The following MYO9A variants were observed in gnomAD, a reference collection of about 807,000 sequenced individuals.
MYO9A encodes unconventional myosin-IXa.
In MYO9A, 103 loss-of-function variants were observed where a neutral mutation model predicts 293.3. That is an observed-to-expected ratio of 0.35 (90% CI 0.30 to 0.41). The LOEUF is 0.41. Among genes scored for constraint, MYO9A ranks in the 10% least tolerant of loss-of-function variants. The pLI, the probability that MYO9A is intolerant of heterozygous loss-of-function variation, is 1.00. For synonymous variants in MYO9A, 1,001 were observed against 1,035.7 expected (o/e 0.97, Z 0.64); for missense variants, 2,685 against 3,033.0 (o/e 0.89, Z 2.69).
At chr15:72,083,501 T>C (rs2079616705) in intron 1 of MYO9A, among the ~76,000 whole-genome samples, 1 of 152,246 alleles carries the variant, frequency 6.6e-6, no homozygotes. Flanking sequence ...TGTCTCAATC[T>C]CCTGCCATTC....
At chr15:72,050,905 T>C (rs528020886) in intron 1 of MYO9A, among the ~76,000 whole-genome samples, 33 of 152,312 alleles carry the variant, frequency 2.2e-4, no homozygotes, top group South Asian at 6.2e-4. Context: ...CACCACACTA[T>C]GGCATGACTA....
At chr15:72,117,608 G>C (rs945843658) in intron 1 of MYO9A, 72 bp downstream of exon 1, 1 of 391,948 alleles carries the variant, frequency 2.6e-6, no homozygotes, top group African/African-American at 2.1e-5. Context: ...GGCCCGACCG[G>C]AGCCAAATAG....
intron 1 of MYO9A, among the ~76,000 whole-genome samples, chr15:72,058,580 C>G (rs1405162206): frequency 2.6e-5 from 4 of 152,112 alleles, no homozygotes; most frequent in African/African-American, 9.7e-5. Context: ...AAGAACTAAG[C>G]ACATTACTGG....
chr15:71,933,604 G>T (rs1596229059), intron 18 of MYO9A, 66 bp downstream of exon 18: 13 of 1,370,306 alleles, frequency 9.5e-6, no homozygotes, highest in South Asian at 8.5e-5. Context: ...TATGAAGATT[G>T]TATGAGTAAT....
intron 18 of MYO9A, among the ~76,000 whole-genome samples, chr15:71,929,075 A>G (rs78238492): frequency 1.1e-5 from 1 of 92,628 alleles, no homozygotes; most frequent in Non-Finnish European, 2.4e-5. Flanking sequence ...GTCTCTATTA[A>G]AAAAAAAAAA....
intron 13 of MYO9A, among the ~76,000 whole-genome samples, chr15:71,964,785 C>G (rs1229703707): frequency 6.6e-6 from 1 of 151,508 alleles, no homozygotes; most frequent in East Asian, 1.9e-4. Flanking sequence ...GACTCCATCT[C>G]AAAAAACAAA....
At chr15:71,856,745 C>CTT in intron 34 of MYO9A, among the ~76,000 whole-genome samples, 1 of 152,268 alleles carries the variant, frequency 6.6e-6, no homozygotes, top group East Asian at 1.9e-4. Context: ...ATTAAATTAT[C>CTT]TTAATATCAC....
intron 1 of MYO9A, among the ~76,000 whole-genome samples, chr15:72,077,747 A>AT (rs2079407837): frequency 2.8e-4 from 13 of 45,784 alleles, no homozygotes; most frequent in East Asian, 2.1e-3. Flanking sequence ...AAAAAAAAAA[A>AT]AAAAAATATA....
At chr15:71,870,023 T>TA (rs1439245236) in intron 32 of MYO9A, among the ~76,000 whole-genome samples, 2 of 152,174 alleles carry the variant, frequency 1.3e-5, no homozygotes, top group Admixed American at 1.3e-4. Flanking sequence ...CTCTTGCATC[T>TA]ATAAATGGCT....
chr15:72,116,994 C>G (rs1323725365), intron 1 of MYO9A: 1 of 152,192 alleles, frequency 6.6e-6, no homozygotes, highest in Non-Finnish European at 1.5e-5. Context: ...AGCAAATATT[C>G]CCTCAGGATT....
chr15:72,091,614 G>C (rs148753200), intron 1 of MYO9A, among the ~76,000 whole-genome samples: 222 of 152,058 alleles, frequency 1.5e-3, no homozygotes, highest in African/African-American at 4.7e-3. Context: ...ATTCAAAAAA[G>C]AATGGAGATA....
chr15:72,001,571 A>AC (rs967496094), intron 8 of MYO9A, among the ~76,000 whole-genome samples: 10 of 151,718 alleles, frequency 6.6e-5, no homozygotes, highest in Admixed American at 1.3e-4. Flanking sequence ...AAAAAAAAAA[A>AC]AATAGATTAT....
chr15:72,078,697 G>C (rs1029429872), intron 1 of MYO9A, among the ~76,000 whole-genome samples: 3 of 152,106 alleles, frequency 2.0e-5, no homozygotes, highest in African/African-American at 7.2e-5. Context: ...GTTTACGGTA[G>C]CTTTATTTAT....
chr15:72,006,080 CTTT>C (rs1407351350), intron 8 of MYO9A, among the ~76,000 whole-genome samples: 1 of 151,918 alleles, frequency 6.6e-6, no homozygotes, highest in African/African-American at 2.4e-5. Flanking sequence ...ATGAATGAAT[CTTT>C]TTTTTGTTTC....
intron 34 of MYO9A, 94 bp from the exon 35 acceptor site, chr15:71,854,663 C>A: frequency 9.7e-7 from 1 of 1,034,540 alleles, no homozygotes. Context: ...TTTTATTTCT[C>A]TGAAGTTTTA....
rs1348422862 is a variant in MYO9A at position 71,981,860 on chromosome 15, G to A, written c.1723-3568C>T. Among the ~76,000 whole-genome samples, 3 of 151,716 alleles carry A rather than the reference G, an allele frequency of 2.0e-5. No individual in the cohort carries two copies. In the East Asian group the frequency reaches 5.8e-4, roughly 29 times the overall value. ...TGATCTTTTTCCCAACTGTTGACAG[G>A]GATCACTGATTTTAAACAAAAATCT... On this transcript the variant is annotated intron_variant, in intron 11 of 41. Coordinates refer to ENST00000356056, the MANE Select transcript of MYO9A (RefSeq NM_006901.4).
intron 8 of MYO9A, among the ~76,000 whole-genome samples, chr15:72,000,861 C>T (rs2035379): frequency 0.2 from 29,990 of 152,160 alleles, 3,215 homozygotes; most frequent in East Asian, 0.4. Flanking sequence ...AAATATACCA[C>T]AGTGTGTAAT....
intron 34 of MYO9A, among the ~76,000 whole-genome samples, chr15:71,856,575 G>A (rs1337956577): frequency 6.6e-6 from 1 of 152,136 alleles, no homozygotes; most frequent in Non-Finnish European, 1.5e-5. Flanking sequence ...AGTGGCTACG[G>A]AAATGAAGCT....
chr15:71,945,639 C>T (rs1289032047), intron 15 of MYO9A, among the ~76,000 whole-genome samples: 5 of 152,036 alleles, frequency 3.3e-5, no homozygotes, highest in Non-Finnish European at 7.4e-5. Context: ...TTTAAGAGCA[C>T]TTTTCCTTAA....
Sources: allele counts gnomAD v4.1 joint callset (sites outside exome capture counted in the v4.1 genomes callset), GRCh38; gene constraint gnomAD v4.1.1; transcripts MANE v1.5; gene names NCBI Gene and HGNC (gene_info 2026-07-23, HGNC 2026-07-21).